Variants in ANKIB1 observed in about 807,000 individuals in gnomAD.
ANKIB1 encodes the protein ankyrin repeat and IBR domain-containing protein 1.
Under a neutral mutation model 122.1 loss-of-function variants are expected in ANKIB1, and 43 were observed. That is an observed-to-expected ratio of 0.35 (90% CI 0.28 to 0.45). The LOEUF (loss-of-function observed/expected upper bound fraction) is 0.45. Ranked by LOEUF, ANKIB1 falls within the 20% of genes least tolerant of loss-of-function variation. The pLI is 1.00. For missense variants in ANKIB1, 992 were observed against 1,329.5 expected, an observed-to-expected ratio of 0.75 and a Z score of 3.95; for synonymous variants, 390 against 442.0, an observed-to-expected ratio of 0.88 and a Z score of 1.48.
At chr7:92,297,140 A>T (rs2131922510) in intron 2 of ANKIB1, among the ~76,000 whole-genome samples, 1 of 152,286 alleles carries the variant, frequency 6.6e-6, no homozygotes, top group Non-Finnish European at 1.5e-5. Flanking sequence ...CAATTTTATG[A>T]GGTAGTTTAT....
chr7:92,305,534 T>C (rs1802542266), intron 2 of ANKIB1, among the ~76,000 whole-genome samples: 2 of 152,134 alleles, frequency 1.3e-5, no homozygotes, highest in South Asian at 2.1e-4. Flanking sequence ...AAAAGTATGA[T>C]AAAATGTAAT....
At chr7:92,309,945 ATAT>A (rs1351885154) in intron 3 of ANKIB1, among the ~76,000 whole-genome samples, 2 of 133,464 alleles carry the variant, frequency 1.5e-5, no homozygotes, top group Non-Finnish European at 3.1e-5. Flanking sequence ...AAAAAAAAAT[ATAT>A]ATATATATAT....
intron 19 of ANKIB1, 47 bp from the exon 20 acceptor site, chr7:92,398,165 T>G: frequency 6.6e-7 from 1 of 1,522,278 alleles, no homozygotes; most frequent in Non-Finnish European, 8.8e-7. Context: ...GTTAAATCAG[T>G]TTTTTTCAGT....
intron 3 of ANKIB1, among the ~76,000 whole-genome samples, chr7:92,309,304 C>T (rs74897167): frequency 0.095 from 14,525 of 152,186 alleles, 908 homozygotes; most frequent in East Asian, 0.36. Flanking sequence ...AGGCTGGTCT[C>T]AAACTCTTGG....
intron 5 of ANKIB1, among the ~76,000 whole-genome samples, chr7:92,337,408 T>C (rs1289919881): frequency 6.6e-6 from 1 of 152,158 alleles, no homozygotes; most frequent in Non-Finnish European, 1.5e-5. Flanking sequence ...AATTCAGGAG[T>C]AATTTTTTAG....
At chr7:92,398,178 A>G (rs1196428544) in intron 19 of ANKIB1, 34 bp from the exon 20 acceptor site, 4 of 1,530,530 alleles carry the variant, frequency 2.6e-6, no homozygotes, top group Non-Finnish European at 2.6e-6. Context: ...TTTTCAGTCA[A>G]ATTTTAAAGT....
At chr7:92,380,188 G>C (rs767451561) in intron 11 of ANKIB1, among the ~76,000 whole-genome samples, 1 of 152,220 alleles carries the variant, frequency 6.6e-6, no homozygotes, top group Non-Finnish European at 1.5e-5. Flanking sequence ...TGCTGGGGGA[G>C]GGGCATCTGC....
chr7:92,365,844 T>G (rs1804066275), intron 10 of ANKIB1, among the ~76,000 whole-genome samples: 3 of 116,416 alleles, frequency 2.6e-5, no homozygotes, highest in Non-Finnish European at 4.9e-5. Flanking sequence ...TCGCCCGGGC[T>G]GGAGTGCAGT....
At position 92,295,186 on chromosome 7, in the gene ANKIB1, A is replaced by C; in HGVS notation, c.188+20A>C. The stretch of plus-strand genomic sequence containing the variant: ...ATTAGGGTAAGTATTACTATAAACT[A>C]ATTGGTATTAGGGTATTACCGTAAA... On this transcript the variant is annotated intron_variant, in intron 2 of 19. Transcript: ENST00000265742. 5 of 1,504,492 alleles carry C rather than the reference A, an allele frequency of 3.3e-6. No homozygotes were observed. The highest frequency in any genetic ancestry group is 4.5e-6 in the Non-Finnish European group (5 of 1,120,196). The allele number at this position is 1,504,492 out of a possible 1,614,324, so 93.2% of individuals were successfully genotyped here. A position where few individuals can be genotyped will look rare whatever the true frequency, so the allele number is the denominator to read the frequency against.
At chr7:92,277,304 C>G (rs1454325888) in intron 1 of ANKIB1, among the ~76,000 whole-genome samples, 2 of 152,222 alleles carry the variant, frequency 1.3e-5, no homozygotes, top group African/African-American at 4.8e-5. Flanking sequence ...ATACTCCAAA[C>G]AGGACATATG....
chr7:92,363,168 TG>T (rs1443609200), intron 10 of ANKIB1, among the ~76,000 whole-genome samples: 3 of 152,006 alleles, frequency 2.0e-5, no homozygotes, highest in Non-Finnish European at 4.4e-5. Context: ...CCCAGCACTT[TG>T]GGAGGCTGAG....
At chr7:92,289,033 A>G (rs987664546) in intron 1 of ANKIB1, among the ~76,000 whole-genome samples, 11 of 152,216 alleles carry the variant, frequency 7.2e-5, no homozygotes, top group Admixed American at 3.3e-4. Context: ...AAGAGAAATT[A>G]AAACTTAAGT....
chr7:92,318,457 G>C (rs1802837653), intron 3 of ANKIB1, among the ~76,000 whole-genome samples: 1 of 152,064 alleles, frequency 6.6e-6, no homozygotes, highest in South Asian at 2.1e-4. Context: ...CAGTGAACCA[G>C]AATCATGCCA....
intron 11 of ANKIB1, among the ~76,000 whole-genome samples, chr7:92,381,592 T>A (rs1178426524): frequency 2.0e-5 from 3 of 152,170 alleles, no homozygotes; most frequent in Non-Finnish European, 4.4e-5. Context: ...ATATTCAACA[T>A]TCTTAAAGAA....
At chr7:92,323,741 A>G (rs1802964381) in intron 4 of ANKIB1, among the ~76,000 whole-genome samples, 1 of 152,246 alleles carries the variant, frequency 6.6e-6, no homozygotes, top group African/African-American at 2.4e-5. Flanking sequence ...AGATATACAC[A>G]CAATAGAATA....
At chr7:92,307,853 T>G (rs1037338570) in intron 3 of ANKIB1, among the ~76,000 whole-genome samples, 197 bp downstream of exon 3, 117 of 146,862 alleles carry the variant, frequency 8.0e-4, no homozygotes, top group Non-Finnish European at 1.1e-3. Context: ...CTTGCTCTGT[T>G]GCCAGGCTGG....
intron 1 of ANKIB1, among the ~76,000 whole-genome samples, chr7:92,261,281 G>A (rs1216709258): frequency 3.3e-5 from 5 of 150,002 alleles, no homozygotes; most frequent in Non-Finnish European, 5.9e-5. Flanking sequence ...CCCGGGAGGC[G>A]GAGCTTGCAG....
At chr7:92,315,597 A>G (rs1004421506) in intron 3 of ANKIB1, among the ~76,000 whole-genome samples, 1 of 152,322 alleles carries the variant, frequency 6.6e-6, no homozygotes, top group East Asian at 1.9e-4. Flanking sequence ...AAAAGAACCA[A>G]GATGATACAA....
At chr7:92,371,964 T>G (rs983918180) in intron 11 of ANKIB1, among the ~76,000 whole-genome samples, 4 of 117,058 alleles carry the variant, frequency 3.4e-5, no homozygotes, top group African/African-American at 1.5e-4. Context: ...TGTGTGTGTG[T>G]GTGTGTGTGT....
Sources: allele counts gnomAD v4.1 joint callset (sites outside exome capture counted in the v4.1 genomes callset), GRCh38; gene constraint gnomAD v4.1.1; transcripts MANE v1.5; gene names NCBI Gene and HGNC (gene_info 2026-07-23, HGNC 2026-07-21).